The following DLGAP2 variants were observed in gnomAD, a reference collection of about 807,000 sequenced individuals.
DLGAP2 encodes the protein disks large-associated protein 2.
A neutral mutation model predicts 100.3 loss-of-function variants in DLGAP2; 26 were observed. That is an observed-to-expected ratio of 0.26 (90% CI 0.19 to 0.36). The LOEUF (loss-of-function observed/expected upper bound fraction) is 0.36. Among genes scored for constraint, DLGAP2 ranks in the 10% least tolerant of loss-of-function variants. DLGAP2 has a pLI of 1.00. For missense variants in DLGAP2, 1,858 were observed against 1,453.2 expected (o/e 1.28, Z -4.53); for synonymous variants, 886 against 630.1 (o/e 1.41, Z -6.08).
intron 3 of DLGAP2, among the ~76,000 whole-genome samples, chr8:1,457,975 CATATATATAT>C (rs57897392): frequency 0.06 from 6,471 of 107,674 alleles, 239 homozygotes; most frequent in Middle Eastern, 0.095. Flanking sequence ...GTTCTCTGAT[CATATATATAT>C]ATATATATAT....
chr8:1,286,574 T>C (rs978185110), intron 3 of DLGAP2, among the ~76,000 whole-genome samples: 5 of 152,164 alleles, frequency 3.3e-5, no homozygotes, highest in African/African-American at 4.8e-5. Context: ...AGTGAGAGCT[T>C]TCCCCTCTCC....
At chr8:1,602,720 C>G (rs2957078) in intron 6 of DLGAP2, among the ~76,000 whole-genome samples, 46,296 of 152,160 alleles carry the variant, frequency 0.3, 7,328 homozygotes, top group East Asian at 0.5. Context: ...TTTATTCATC[C>G]CACAAGTGTC....
chr8:1,548,542 C>G, intron 4 of DLGAP2, 84 bp from the exon 5 acceptor site: 1 of 1,263,224 alleles, frequency 7.9e-7, no homozygotes, highest in East Asian at 2.8e-5. Flanking sequence ...TTAATGAAGT[C>G]CACGGTGGGG....
At chr8:1,417,290 C>T (rs752409725) in intron 3 of DLGAP2, among the ~76,000 whole-genome samples, 2 of 152,010 alleles carry the variant, frequency 1.3e-5, no homozygotes, top group Non-Finnish European at 2.9e-5. Context: ...GAGAGACCGG[C>T]GTTCATTTAG....
chr8:1,629,898 A>C (rs1797600759), intron 7 of DLGAP2, among the ~76,000 whole-genome samples: 2 of 152,174 alleles, frequency 1.3e-5, no homozygotes, highest in South Asian at 4.1e-4. Flanking sequence ...TAAATATACT[A>C]GTTCTCTCGT....
intron 10 of DLGAP2, among the ~76,000 whole-genome samples, chr8:1,673,746 TAA>T (rs929148508): frequency 2.0e-5 from 3 of 152,174 alleles, no homozygotes; most frequent in East Asian, 1.9e-4. Flanking sequence ...CAACAAAATT[TAA>T]AAGAGTTTCC....
intron 4 of DLGAP2, among the ~76,000 whole-genome samples, chr8:1,508,083 G>A (rs1157565487): frequency 1.3e-5 from 2 of 151,866 alleles, no homozygotes; most frequent in African/African-American, 4.8e-5. Flanking sequence ...TAACAACCCC[G>A]TTTTTAAATT....
intron 8 of DLGAP2, among the ~76,000 whole-genome samples, chr8:1,667,627 C>G (rs140998816): frequency 1.3e-5 from 2 of 152,304 alleles, no homozygotes; most frequent in East Asian, 3.9e-4. Context: ...CAGACAGTGC[C>G]CATCCTGTCA....
intron 10 of DLGAP2, among the ~76,000 whole-genome samples, chr8:1,672,242 T>TC (rs5888851): frequency 0.13 from 19,342 of 150,578 alleles, 1,543 homozygotes; most frequent in East Asian, 0.41. Context: ...TTTTTTTTTT[T>TC]TTGAGATGGA....
At chr8:915,595 C>G (rs536249458) in intron 2 of DLGAP2, among the ~76,000 whole-genome samples, 1 of 152,154 alleles carries the variant, frequency 6.6e-6, no homozygotes, top group South Asian at 2.1e-4. Flanking sequence ...TTGTCAGAGT[C>G]TCGGTGGCAC....
rs116729733 is a variant in DLGAP2 at position 1,379,331 on chromosome 8, C to T, written c.106+120448C>T. 5.4e-3 allele frequency among the ~76,000 whole-genome samples: 821 copies of T among 152,386 alleles called. 8 individuals carry two copies. The highest frequency in any genetic ancestry group is 0.018 in the African/African-American group (766 of 41,600). On this transcript the variant is annotated intron_variant, in intron 3 of 14. Transcript: ENST00000637795. ...CGAGGCATGGGCCTAAGAGCCGCGT[C>T]TTTGCTAAGTCATGTCCCTGGCACA...
chr8:1,341,422 A>G (rs1474270409), intron 3 of DLGAP2, among the ~76,000 whole-genome samples: 1 of 152,168 alleles, frequency 6.6e-6, no homozygotes, highest in Non-Finnish European at 1.5e-5. Context: ...CCAAATTGTT[A>G]TTGAACGTTA....
At chr8:1,620,637 A>AT (rs1302286220) in intron 6 of DLGAP2, 1 of 152,006 alleles carries the variant, frequency 6.6e-6, no homozygotes, top group Non-Finnish European at 1.5e-5. Flanking sequence ...CCTCTAACAC[A>AT]TTCCTCATTC....
chr8:1,139,717 T>C (rs1037739554), intron 2 of DLGAP2, among the ~76,000 whole-genome samples: 2 of 152,140 alleles, frequency 1.3e-5, no homozygotes, highest in African/African-American at 4.8e-5. Context: ...GACAGGCCCC[T>C]GTTATTTCAG....
intron 4 of DLGAP2, among the ~76,000 whole-genome samples, chr8:1,522,423 A>T (rs564935547): frequency 1.4e-3 from 220 of 151,940 alleles, no homozygotes; most frequent in African/African-American, 5.1e-3. Context: ...GGCCTGGGGG[A>T]CCTCCTTTTG....
chr8:1,435,813 C>T (rs544800196), intron 3 of DLGAP2, among the ~76,000 whole-genome samples: 2 of 151,822 alleles, frequency 1.3e-5, no homozygotes, highest in Non-Finnish European at 2.9e-5. Context: ...TATCGACAGT[C>T]CTGACCCTGC....
intron 2 of DLGAP2, among the ~76,000 whole-genome samples, chr8:1,170,156 T>G (rs1188543283): frequency 1.3e-5 from 2 of 152,298 alleles, no homozygotes; most frequent in East Asian, 3.9e-4. Flanking sequence ...GGTTTTTGTC[T>G]TTGGTTCTGT....
intron 6 of DLGAP2, among the ~76,000 whole-genome samples, chr8:1,618,899 G>C (rs921658350): frequency 3.3e-5 from 5 of 152,078 alleles, no homozygotes; most frequent in African/African-American, 1.2e-4. Flanking sequence ...CCTCTAAATT[G>C]TGGCAAACTC....
chr8:999,836 C>G (rs767996630), intron 2 of DLGAP2, among the ~76,000 whole-genome samples: 4 of 152,196 alleles, frequency 2.6e-5, no homozygotes, highest in South Asian at 2.1e-4. Flanking sequence ...CTTTTTTCAT[C>G]TCTTTTATTA....
Sources: gnomAD v4.1 joint callset for allele counts (sites outside exome capture counted in the v4.1 genomes callset) on GRCh38, gnomAD v4.1.1 for gene constraint, MANE v1.5 for transcripts, NCBI Gene and HGNC (gene_info 2026-07-23, HGNC 2026-07-21) for gene names.